Variants in DPP10 observed in about 807,000 individuals in gnomAD.
DPP10 encodes the protein inactive dipeptidyl peptidase 10.
A neutral mutation model predicts 120.9 loss-of-function variants in DPP10; 33 were observed. That is an observed-to-expected ratio of 0.27 (90% confidence interval 0.21 to 0.37). The LOEUF is 0.37. Among genes scored for constraint, DPP10 ranks in the 10% least tolerant of loss-of-function variants. DPP10 has a pLI of 1.00. For missense variants in DPP10, 816 were observed against 942.8 expected (o/e 0.87, Z 1.76); for synonymous variants, 337 against 326.1 (o/e 1.03, Z -0.36).
intron 1 of DPP10, among the ~76,000 whole-genome samples, chr2:114,862,432 A>G (rs959707613): frequency 1.3e-5 from 2 of 151,332 alleles, no homozygotes; most frequent in Non-Finnish European, 3.0e-5. Context: ...AGCAGAGTGG[A>G]AAAAAAAACC....
intron 15 of DPP10, among the ~76,000 whole-genome samples, chr2:115,779,789 A>G (rs1481320962): frequency 6.6e-6 from 1 of 151,806 alleles, no homozygotes. Flanking sequence ...TTATAAAATG[A>G]AAAAAAATGG....
chr2:115,011,874 TGGTCTGG>T (rs1367877680), intron 1 of DPP10, among the ~76,000 whole-genome samples: 3 of 151,970 alleles, frequency 2.0e-5, no homozygotes, highest in Non-Finnish European at 4.4e-5. Flanking sequence ...GGGAGGTTCC[TGGTCTGG>T]GGCCAATTCT....
chr2:115,660,565 T>G (rs2088839411), intron 5 of DPP10, among the ~76,000 whole-genome samples: 2 of 150,600 alleles, frequency 1.3e-5, no homozygotes, highest in African/African-American at 4.9e-5. Context: ...TTAATCTACT[T>G]AAAATCCAAT....
At chr2:114,678,163 G>A (rs1698790123) in intron 1 of DPP10, among the ~76,000 whole-genome samples, 1 of 152,038 alleles carries the variant, frequency 6.6e-6, no homozygotes, top group Non-Finnish European at 1.5e-5. Context: ...TCTATTCCAA[G>A]TAGTAGCTCT....
intron 1 of DPP10, among the ~76,000 whole-genome samples, chr2:115,058,159 C>A (rs1380642792): frequency 2.6e-5 from 4 of 151,968 alleles, no homozygotes; most frequent in Non-Finnish European, 4.4e-5. Context: ...AACATTCCCC[C>A]ACAATGGGTA....
intron 1 of DPP10, chr2:114,833,295 T>G (rs947771434): frequency 2.0e-5 from 3 of 147,486 alleles, no homozygotes; most frequent in African/African-American, 5.0e-5. Context: ...AAAAAAAAAC[T>G]AAATTGATCA....
intron 1 of DPP10, among the ~76,000 whole-genome samples, chr2:115,281,112 A>G (rs1345590369): frequency 1.3e-5 from 2 of 152,068 alleles, no homozygotes; most frequent in Non-Finnish European, 2.9e-5. Flanking sequence ...TTTCTATTAC[A>G]TCTCCAAATT....
intron 1 of DPP10, among the ~76,000 whole-genome samples, chr2:114,920,491 G>C (rs907377010): frequency 6.6e-6 from 1 of 152,188 alleles, no homozygotes; most frequent in African/African-American, 2.4e-5. Context: ...TAATCTTTCA[G>C]ACCTCTTCAG....
chr2:115,251,362 A>C (rs545606955), intron 1 of DPP10, among the ~76,000 whole-genome samples: 1 of 152,198 alleles, frequency 6.6e-6, no homozygotes, highest in South Asian at 2.1e-4. Flanking sequence ...TTTCTCCAAC[A>C]TACACATTTC....
chr2:114,864,820 C>G (rs1044914219), intron 1 of DPP10, among the ~76,000 whole-genome samples: 3 of 152,198 alleles, frequency 2.0e-5, no homozygotes, highest in Non-Finnish European at 4.4e-5. Context: ...GGCTTCAGTA[C>G]TACCTAGACA....
In DPP10 at chr2:114,614,116, C is replaced by T. The variant is rs185264989; in HGVS notation, c.60+171278C>T. Among the ~76,000 whole-genome samples the T allele has an allele frequency of 2.8e-4, 42 of 152,208 alleles. No homozygotes were observed. In the East Asian group the frequency reaches 7.9e-3, roughly 29 times the overall value. On this transcript the variant is annotated intron_variant, in intron 1 of 25. Coordinates refer to ENST00000410059, the MANE Select transcript of DPP10 (RefSeq NM_020868.6). ...AAACCGGCACATTCTGCATATGTAT[C>T]CCAGAACTTAAAGTAAAATAAAATA...
intron 1 of DPP10, among the ~76,000 whole-genome samples, chr2:114,479,626 A>G (rs1680835623): frequency 6.6e-6 from 1 of 152,170 alleles, no homozygotes; most frequent in Admixed American, 6.6e-5. Flanking sequence ...AGGATTCCCT[A>G]TTTAATAAAT....
chr2:115,304,980 A>G (rs1247253350), intron 1 of DPP10, among the ~76,000 whole-genome samples: 1 of 152,102 alleles, frequency 6.6e-6, no homozygotes, highest in South Asian at 2.1e-4. Context: ...TTACAGACTC[A>G]GTTTAGTTTG....
chr2:115,509,538 T>C (rs1357264000), intron 4 of DPP10, among the ~76,000 whole-genome samples: 23 of 152,144 alleles, frequency 1.5e-4, no homozygotes. Flanking sequence ...GGGTGTCACA[T>C]TTCTTGATTC....
chr2:115,618,514 A>G (rs756589964), intron 5 of DPP10, among the ~76,000 whole-genome samples: 6 of 152,306 alleles, frequency 3.9e-5, no homozygotes, highest in Admixed American at 2.6e-4. Context: ...CCATGGTTTC[A>G]TTTAACTGTA....
At chr2:115,796,499 G>A (rs961081705) in intron 19 of DPP10, among the ~76,000 whole-genome samples, 53 of 152,098 alleles carry the variant, frequency 3.5e-4, no homozygotes, top group Non-Finnish European at 3.7e-4. Context: ...GAATTAAGTC[G>A]AGATGGAGAA....
chr2:115,244,325 CT>C (rs35964171), intron 1 of DPP10, among the ~76,000 whole-genome samples: 1 of 148,318 alleles, frequency 6.7e-6, no homozygotes, highest in African/African-American at 2.5e-5. Context: ...ATACATTGGC[CT>C]TTTTGAATTA....
At chr2:114,798,897 G>T (rs967411953) in intron 1 of DPP10, among the ~76,000 whole-genome samples, 5 of 152,178 alleles carry the variant, frequency 3.3e-5, no homozygotes, top group African/African-American at 1.2e-4. Flanking sequence ...GGGAGGCCGA[G>T]GAGGGTGGAT....
chr2:114,980,990 C>CT (rs1558950160), intron 1 of DPP10, among the ~76,000 whole-genome samples: 1 of 135,770 alleles, frequency 7.4e-6, no homozygotes, highest in Non-Finnish European at 1.6e-5. Context: ...TATGTTGTGT[C>CT]ATTTTTTTTT....
Sources: gnomAD v4.1 joint callset for allele counts (sites outside exome capture counted in the v4.1 genomes callset) on GRCh38, gnomAD v4.1.1 for gene constraint, MANE v1.5 for transcripts, NCBI Gene and HGNC (gene_info 2026-07-23, HGNC 2026-07-21) for gene names.